The following THSD4 variants were observed in gnomAD, a reference collection of about 807,000 sequenced individuals.
The protein encoded by THSD4 is thrombospondin type 1 domain containing 4, also known as thrombospondin type-1 domain-containing protein 4.
THSD4 carries 69 observed loss-of-function variants against 119.0 expected under a neutral mutation model. The ratio of observed to expected loss-of-function variants is 0.58; its 90% CI spans 0.48 to 0.71. The LOEUF is 0.71. Ranked by LOEUF, THSD4 falls within the 30% of genes least tolerant of loss-of-function variation. The probability of loss-of-function intolerance (pLI) is 0.00; values close to 1 mark genes in which losing one functional copy is unlikely to be tolerated. For missense variants in THSD4, 1,393 were observed against 1,391.1 expected, an observed-to-expected ratio of 1.00 and a Z score of -0.02; for synonymous variants, 524 against 540.4, an observed-to-expected ratio of 0.97 and a Z score of 0.42.
chr15:71,134,817 A>G (rs906866858), intron 1 of THSD4, among the ~76,000 whole-genome samples: 30 of 152,296 alleles, frequency 2.0e-4, no homozygotes, highest in African/African-American at 7.0e-4. Context: ...TTGCCATTCT[A>G]AGGGATCTAG....
At chr15:71,566,228 G>A (rs1451058130) in intron 7 of THSD4, among the ~76,000 whole-genome samples, 2 of 149,626 alleles carry the variant, frequency 1.3e-5, no homozygotes, top group Non-Finnish European at 3.0e-5. Context: ...ATAACAATGC[G>A]TGGTTTGGAG....
chr15:71,129,531 T>G (rs1188010670), intron 1 of THSD4, among the ~76,000 whole-genome samples: 1 of 151,812 alleles, frequency 6.6e-6, no homozygotes, highest in Admixed American at 6.7e-5. Context: ...TTGTCCTTCT[T>G]GACCTCTGGG....
intron 7 of THSD4, among the ~76,000 whole-genome samples, chr15:71,605,692 T>A (rs184247365): frequency 1.1e-3 from 165 of 152,364 alleles, no homozygotes; most frequent in African/African-American, 2.7e-3. Context: ...GTAAAGTTTC[T>A]AGGGCCTTTT....
chr15:71,402,572 C>G (rs2046551762), intron 6 of THSD4, among the ~76,000 whole-genome samples: 1 of 152,190 alleles, frequency 6.6e-6, no homozygotes, highest in Admixed American at 6.5e-5. Context: ...GCTTGTCTTA[C>G]AGGAAGCTCT....
At chr15:71,735,556 C>G (rs936771227) in intron 10 of THSD4, among the ~76,000 whole-genome samples, 1 of 151,606 alleles carries the variant, frequency 6.6e-6, no homozygotes, top group African/African-American at 2.4e-5. Context: ...CTCTTTATTG[C>G]TCTCTGTCTC....
At chr15:71,764,993 C>T (rs1462466039) in intron 15 of THSD4, 27 bp from the exon 16 acceptor site, 6 of 1,602,362 alleles carry the variant, frequency 3.7e-6, no homozygotes, top group Non-Finnish European at 5.1e-6. Context: ...TCATGTGACA[C>T]TCATCTTTTT....
intron 8 of THSD4, among the ~76,000 whole-genome samples, chr15:71,708,962 C>T (rs768947546): frequency 2.0e-5 from 3 of 152,190 alleles, no homozygotes; most frequent in East Asian, 1.9e-4. Flanking sequence ...AGCGCTAAGC[C>T]GAGGTTTCCC....
At chr15:71,341,216 T>C (rs1430334510) in intron 6 of THSD4, 2 of 1,581,620 alleles carry the variant, frequency 1.3e-6, no homozygotes, top group Non-Finnish European at 1.7e-6. Flanking sequence ...CTTTTTCTTC[T>C]GGGCAACCTC....
At chr15:71,227,203 G>C (rs117343292) in intron 4 of THSD4, among the ~76,000 whole-genome samples, 3 of 152,108 alleles carry the variant, frequency 2.0e-5, no homozygotes, top group Non-Finnish European at 4.4e-5. Context: ...CATTTCTTGC[G>C]GTATTTCATT....
intron 7 of THSD4, among the ~76,000 whole-genome samples, chr15:71,564,668 TATTATAACATATAATACAATATATAG>T (rs2049191591): frequency 1.3e-5 from 1 of 75,524 alleles, no homozygotes; most frequent in Admixed American, 1.3e-4. Context: ...ATATATAGTA[TATTATAACATATAATACAATATATAG>T]TATAACATAT....
At chr15:71,775,345 C>T (rs2140255092) in intron 17 of THSD4, among the ~76,000 whole-genome samples, 1 of 152,180 alleles carries the variant, frequency 6.6e-6, no homozygotes, top group Middle Eastern at 3.4e-3. Flanking sequence ...TCAGTTCTTT[C>T]CCAAAGTAAT....
intron 5 of THSD4, among the ~76,000 whole-genome samples, chr15:71,245,192 G>A (rs746528012): frequency 3.2e-4 from 48 of 152,174 alleles, no homozygotes; most frequent in Non-Finnish European, 6.0e-4. Flanking sequence ...ATGTTGACAC[G>A]GGATTGTATA....
chr15:71,470,480 G>A (rs984001610), intron 7 of THSD4, among the ~76,000 whole-genome samples: 1 of 152,134 alleles, frequency 6.6e-6, no homozygotes, highest in African/African-American at 2.4e-5. Flanking sequence ...ACTGTTGTAA[G>A]CATTTTATGT....
intron 3 of THSD4, among the ~76,000 whole-genome samples, chr15:71,177,795 TC>T (rs1390583998): frequency 6.8e-6 from 1 of 147,028 alleles, no homozygotes; most frequent in African/African-American, 2.5e-5. Flanking sequence ...TCCACCATGA[TC>T]AAGTGGGCTT....
intron 5 of THSD4, among the ~76,000 whole-genome samples, chr15:71,246,441 T>C (rs1411417960): frequency 6.6e-6 from 1 of 152,166 alleles, no homozygotes; most frequent in Non-Finnish European, 1.5e-5. Context: ...CCTTTACCTT[T>C]ACGCAGTGAC....
At chr15:71,227,473 T>G (rs2044027283) in intron 4 of THSD4, among the ~76,000 whole-genome samples, 1 of 152,190 alleles carries the variant, frequency 6.6e-6, no homozygotes, top group Non-Finnish European at 1.5e-5. Flanking sequence ...AGGAAGGAAT[T>G]TCCCGCATGT....
chr15:71,437,434 T>C (rs2047027186), intron 7 of THSD4, among the ~76,000 whole-genome samples: 1 of 152,254 alleles, frequency 6.6e-6, no homozygotes, highest in Non-Finnish European at 1.5e-5. Flanking sequence ...CTTCCTGCGA[T>C]ATGAGTTAAT....
chr15:71,595,616 C>T (rs956340336), intron 7 of THSD4, among the ~76,000 whole-genome samples: 9 of 152,330 alleles, frequency 5.9e-5, no homozygotes, highest in African/African-American at 2.2e-4. Flanking sequence ...ATGTTCAGAA[C>T]TTGGAAGCTC....
At chr15:71,174,286 T>TGC (rs956174174) in intron 3 of THSD4, among the ~76,000 whole-genome samples, 13 of 152,030 alleles carry the variant, frequency 8.6e-5, no homozygotes, top group Non-Finnish European at 2.9e-5. Context: ...GGCCAGTGTG[T>TGC]GCGCGCGCCG....
Sources: gnomAD v4.1 joint callset for allele counts (sites outside exome capture counted in the v4.1 genomes callset) on GRCh38, gnomAD v4.1.1 for gene constraint, MANE v1.5 for transcripts, NCBI Gene and HGNC (gene_info 2026-07-23, HGNC 2026-07-21) for gene names.